Variants in ADAMTSL1 observed in about 807,000 individuals in gnomAD.
ADAMTSL1 encodes the protein ADAMTS-like protein 1.
Under a neutral mutation model 201.8 loss-of-function variants are expected in ADAMTSL1, and 126 were observed. The observed-to-expected ratio is 0.62, with a 90% CI of 0.54 to 0.72. The LOEUF (loss-of-function observed/expected upper bound fraction) is 0.72, where lower values mean the gene tolerates loss of function less well. Ranked by LOEUF, ADAMTSL1 falls within the 30% of genes least tolerant of loss-of-function variation. ADAMTSL1 has a pLI of 0.00. For synonymous variants in ADAMTSL1, 1,121 were observed against 903.4 expected, an observed-to-expected ratio of 1.24 and a Z score of -4.32; for missense variants, 2,679 against 2,277.8, an observed-to-expected ratio of 1.18 and a Z score of -3.59.
intron 2 of ADAMTSL1, among the ~76,000 whole-genome samples, chr9:18,168,810 T>C (rs1251205841): frequency 3.6e-4 from 53 of 147,968 alleles, no homozygotes; most frequent in Admixed American, 8.8e-4. Context: ...TTTTTAATGA[T>C]CGCCATTCTA....
At chr9:18,392,823 C>T (rs1838107015) in intron 2 of ADAMTSL1, among the ~76,000 whole-genome samples, 2 of 152,162 alleles carry the variant, frequency 1.3e-5, no homozygotes, top group Non-Finnish European at 2.9e-5. Context: ...AGCCTTCTTT[C>T]CTTTTCTTCA....
In ADAMTSL1 at chr9:18,231,067, G is replaced by A. The variant is rs79473772; in HGVS notation, c.207+67086G>A. Among the ~76,000 whole-genome samples the A allele has an allele frequency of 9.9e-4, 150 of 152,194 alleles. 4 individuals are homozygous for A. The East Asian group carries it at 0.015, about 16-fold the overall frequency. On this transcript the variant is annotated intron_variant, in intron 2 of 29. Coordinates refer to the ADAMTSL1 transcript ENST00000680146. ...GGGCGTAGCTTTTCTCATACTGGACGTCCCAATACCTCAGACCAGCTCTAC... is the reference window on the plus strand; with the variant it reads ...GGGCGTAGCTTTTCTCATACTGGACATCCCAATACCTCAGACCAGCTCTAC...
chr9:18,643,092 T>G (rs565453636), intron 7 of ADAMTSL1, among the ~76,000 whole-genome samples: 2 of 152,078 alleles, frequency 1.3e-5, no homozygotes, highest in Non-Finnish European at 2.9e-5. Context: ...TGCCAATACT[T>G]ACCTTTTGTC....
intron 1 of ADAMTSL1, among the ~76,000 whole-genome samples, chr9:17,951,178 C>T (rs1171061283): frequency 1.3e-5 from 2 of 152,036 alleles, no homozygotes; most frequent in Non-Finnish European, 1.5e-5. Context: ...GATTAGCTCC[C>T]GGGGCACAGG....
intron 2 of ADAMTSL1, among the ~76,000 whole-genome samples, chr9:18,218,658 T>C (rs1364850138): frequency 3.9e-5 from 6 of 152,132 alleles, no homozygotes; most frequent in Non-Finnish European, 5.9e-5. Context: ...TCTTTAAATA[T>C]TCTAGACATT....
At chr9:18,571,204 A>G (rs1187132255) in intron 3 of ADAMTSL1, among the ~76,000 whole-genome samples, 1 of 152,138 alleles carries the variant, frequency 6.6e-6, no homozygotes, top group Non-Finnish European at 1.5e-5. Context: ...AACATAATTG[A>G]CACTTTTATC....
intron 1 of ADAMTSL1, among the ~76,000 whole-genome samples, chr9:18,147,905 G>A (rs1008808613): frequency 6.6e-6 from 1 of 152,046 alleles, no homozygotes; most frequent in Non-Finnish European, 1.5e-5. Flanking sequence ...CCATATTGGA[G>A]ATACCAGCTT....
At chr9:17,959,308 G>T (rs1341787787) in intron 1 of ADAMTSL1, among the ~76,000 whole-genome samples, 2 of 152,020 alleles carry the variant, frequency 1.3e-5, no homozygotes, top group Non-Finnish European at 2.9e-5. Context: ...TTGCATTAGA[G>T]GTCTGCTATT....
At chr9:18,041,227 A>C (rs62553127) in intron 1 of ADAMTSL1, among the ~76,000 whole-genome samples, 3,757 of 152,320 alleles carry the variant, frequency 0.025, 79 homozygotes, top group South Asian at 0.085. Context: ...TGTCATTTGG[A>C]ATAAATGGCT....
intron 1 of ADAMTSL1, among the ~76,000 whole-genome samples, chr9:18,128,304 A>T (rs949098846): frequency 1.3e-5 from 2 of 152,126 alleles, no homozygotes; most frequent in African/African-American, 4.8e-5. Flanking sequence ...TAAACACAGC[A>T]CCAATGATAG....
At chr9:18,062,632 A>T (rs1166702181) in intron 1 of ADAMTSL1, among the ~76,000 whole-genome samples, 1 of 152,186 alleles carries the variant, frequency 6.6e-6, no homozygotes, top group Non-Finnish European at 1.5e-5. Flanking sequence ...AGTAAGGAGA[A>T]CAGTCATAAC....
intron 14 of ADAMTSL1, among the ~76,000 whole-genome samples, chr9:18,708,632 T>C (rs1000363315): frequency 1.3e-5 from 2 of 152,220 alleles, no homozygotes; most frequent in East Asian, 1.9e-4. Flanking sequence ...CTTTCCAACA[T>C]AGCAGATGAC....
intron 1 of ADAMTSL1, among the ~76,000 whole-genome samples, chr9:18,142,401 C>G (rs1304827484): frequency 6.6e-6 from 1 of 152,236 alleles, no homozygotes; most frequent in Non-Finnish European, 1.5e-5. Context: ...AAGACCGGCT[C>G]TTCTTTTCAT....
At chr9:18,865,829 C>A (rs1040680878) in intron 23 of ADAMTSL1, among the ~76,000 whole-genome samples, 1 of 152,086 alleles carries the variant, frequency 6.6e-6, no homozygotes, top group African/African-American at 2.4e-5. Flanking sequence ...CCTCACTAAC[C>A]CAAGCCCTTT....
Position 18,528,021 on chromosome 9 carries a change from G to T in ADAMTSL1, c.192-5226G>T, listed in dbSNP as rs1283771960. The stretch of plus-strand genomic sequence containing the variant: ...GCCTCCTGAGTAGCTGGGATTACAG[G>T]TGCCTGCCACCATGCCCGGCTAATT... On this transcript the variant is annotated intron_variant, in intron 2 of 28. Transcript: ENST00000380548. 3.3e-5 allele frequency among the ~76,000 whole-genome samples: 5 copies of T among 151,976 alleles called. 1 individual carries two copies. The highest frequency in any genetic ancestry group is 3.3e-4 in the Admixed American group (5 of 15,246).
intron 1 of ADAMTSL1, among the ~76,000 whole-genome samples, chr9:18,108,720 T>A (rs1370892528): frequency 6.6e-6 from 1 of 152,172 alleles, no homozygotes; most frequent in East Asian, 1.9e-4. Context: ...AATTAGTCAA[T>A]GTGATGAGTC....
intron 1 of ADAMTSL1, among the ~76,000 whole-genome samples, chr9:17,960,584 T>C (rs1817706141): frequency 6.6e-6 from 1 of 152,182 alleles, no homozygotes. Context: ...CCAATTGATC[T>C]CTTCTTTGTG....
chr9:18,254,609 C>T (rs1292333374), intron 2 of ADAMTSL1, among the ~76,000 whole-genome samples: 1 of 151,568 alleles, frequency 6.6e-6, no homozygotes, highest in Non-Finnish European at 1.5e-5. Flanking sequence ...GTGATCCGCC[C>T]GCCTCGGCCT....
At chr9:18,394,739 T>C (rs1265004817) in intron 2 of ADAMTSL1, among the ~76,000 whole-genome samples, 1 of 152,192 alleles carries the variant, frequency 6.6e-6, no homozygotes, top group Non-Finnish European at 1.5e-5. Flanking sequence ...CGAAAATAGT[T>C]ACCAACTCTC....
Sources: allele counts gnomAD v4.1 joint callset (sites outside exome capture counted in the v4.1 genomes callset), GRCh38; gene constraint gnomAD v4.1.1; transcripts MANE v1.5; gene names NCBI Gene and HGNC (gene_info 2026-07-23, HGNC 2026-07-21).